UXS1: variants seen among roughly 807,000 people sequenced by gnomAD.
UXS1 encodes the protein UDP-glucuronic acid decarboxylase 1.
In UXS1, 33 loss-of-function variants were observed where a neutral mutation model predicts 62.6. The observed-to-expected ratio is 0.53, with a 90% CI of 0.40 to 0.70. The LOEUF is 0.70. Among genes scored for constraint, UXS1 ranks in the 30% least tolerant of loss-of-function variants. The probability of loss-of-function intolerance (pLI) is 0.00; values close to 1 mark genes in which losing one functional copy is unlikely to be tolerated. For missense variants in UXS1, 434 were observed against 556.3 expected (o/e 0.78, Z 2.21); for synonymous variants, 213 against 206.8 (o/e 1.03, Z -0.26).
At chr2:106,140,789 T>C (rs1260874090) in intron 6 of UXS1, among the ~76,000 whole-genome samples, 3 of 152,222 alleles carry the variant, frequency 2.0e-5, no homozygotes, top group African/African-American at 7.2e-5. Flanking sequence ...TTTATTTTCC[T>C]GGACCTCTTC....
At chr2:106,129,121 T>G (rs143391871) in intron 7 of UXS1, among the ~76,000 whole-genome samples, 1 of 152,196 alleles carries the variant, frequency 6.6e-6, no homozygotes, top group Non-Finnish European at 1.5e-5. Context: ...CCATTAACAA[T>G]GCTCTCTCGT....
At chr2:106,108,696 T>C (rs1678307109) in intron 10 of UXS1, among the ~76,000 whole-genome samples, 1 of 152,078 alleles carries the variant, frequency 6.6e-6, no homozygotes, top group African/African-American at 2.4e-5. Flanking sequence ...CAAAGCAGCA[T>C]GATGATCAAG....
chr2:106,173,228 T>C (rs1441117178), intron 1 of UXS1, among the ~76,000 whole-genome samples: 1 of 151,994 alleles, frequency 6.6e-6, no homozygotes, highest in African/African-American at 2.4e-5. Flanking sequence ...ACTAAAAAGC[T>C]CCCCCAAATG....
intron 1 of UXS1, among the ~76,000 whole-genome samples, chr2:106,169,009 A>G (rs1372100246): frequency 6.6e-6 from 1 of 152,186 alleles, no homozygotes; most frequent in African/African-American, 2.4e-5. Context: ...CTTTTAAAAA[A>G]GGAGGGAAGA....
intron 9 of UXS1, among the ~76,000 whole-genome samples, chr2:106,122,062 T>C (rs962031766): frequency 2.0e-5 from 3 of 152,172 alleles, no homozygotes; most frequent in East Asian, 1.9e-4. Flanking sequence ...ACAGAGCACA[T>C]AGCCGACAGT....
chr2:106,109,987 A>G (rs1044523002), intron 10 of UXS1, among the ~76,000 whole-genome samples: 1 of 152,230 alleles, frequency 6.6e-6, no homozygotes, highest in Non-Finnish European at 1.5e-5. Flanking sequence ...GTGTTTCTAA[A>G]GACAGGCTGG....
intron 7 of UXS1, 115 bp downstream of exon 7, chr2:106,129,557 TAA>T (rs1211574555): frequency 4.6e-6 from 4 of 867,066 alleles, no homozygotes; most frequent in South Asian, 4.4e-5. Flanking sequence ...AGCAGGGCAA[TAA>T]GGGACGAGGG....
Position 106,123,042 on chromosome 2 carries a change from T to C in UXS1, c.687A>G (p.Pro229=). Residue 229 remains proline (P), a synonymous_variant, in exon 9 of 15, where the codon CCA becomes CCG. Coordinates refer to ENST00000283148, the MANE Select transcript of UXS1 (RefSeq NM_001253875.2). ...CATCGTAGCAGGCCCGAGGTCCTAT[T>C]GGATTCACGTGGCCCCAGTAATCCT... ...QSEDYWGHVN[P]IGPRACYDEG... is the part of the protein sequence containing the mutation. 6.2e-7 allele frequency: 1 copy of C among 1,614,026 alleles called. No homozygotes were observed. The highest frequency in any genetic ancestry group is 8.5e-7 in the Non-Finnish European group (1 of 1,179,880).
At chr2:106,102,838 T>A (rs1298417568) in intron 11 of UXS1, 1 of 152,224 alleles carries the variant, frequency 6.6e-6, no homozygotes, top group Non-Finnish European at 1.5e-5. Flanking sequence ...AAAGTTTAAG[T>A]CAGGAAACCC....
chr2:106,162,212 T>C (rs6751929), intron 4 of UXS1, among the ~76,000 whole-genome samples: 149,290 of 152,288 alleles, frequency 0.98, 73,234 homozygotes, highest in South Asian at 1. Context: ...TGTTTGCCCT[T>C]TGCCACTATT....
At chr2:106,161,648 T>G (rs900724026) in intron 4 of UXS1, among the ~76,000 whole-genome samples, 5 of 152,318 alleles carry the variant, frequency 3.3e-5, no homozygotes, top group African/African-American at 1.2e-4. Flanking sequence ...TTTATGCCAT[T>G]CCAGATTAAA....
At chr2:106,166,704 T>TG (rs1683238019) in intron 1 of UXS1, among the ~76,000 whole-genome samples, 1 of 150,850 alleles carries the variant, frequency 6.6e-6, no homozygotes, top group African/African-American at 2.4e-5. Context: ...TGAAGCTTTT[T>TG]TTTTTTTTTT....
chr2:106,178,520 CTATG>C (rs3074302), intron 1 of UXS1, among the ~76,000 whole-genome samples: 148,917 of 152,154 alleles, frequency 0.98, 72,936 homozygotes, highest in South Asian at 1. Flanking sequence ...ATATACAAGT[CTATG>C]TATATGTATG....
intron 5 of UXS1, among the ~76,000 whole-genome samples, chr2:106,149,783 G>A (rs1368492832): frequency 6.6e-6 from 1 of 152,216 alleles, no homozygotes; most frequent in Non-Finnish European, 1.5e-5. Context: ...GTAGAGGCTG[G>A]AAGAATCTGG....
At chr2:106,157,458 T>C (rs1216097408) in intron 5 of UXS1, among the ~76,000 whole-genome samples, 1 of 152,190 alleles carries the variant, frequency 6.6e-6, no homozygotes, top group African/African-American at 2.4e-5. Context: ...CTCTCAAATT[T>C]CATACTTCCT....
intron 1 of UXS1, among the ~76,000 whole-genome samples, chr2:106,177,492 G>A (rs777475800): frequency 4.6e-5 from 7 of 152,162 alleles, no homozygotes; most frequent in Non-Finnish European, 8.8e-5. Context: ...CACCAAGCCC[G>A]GCCTAGCTAC....
rs757159860 is a variant in UXS1, at chr2:106,096,693, G to C, written c.1146+25C>G. The C allele has an allele frequency of 3.3e-6, 5 of 1,534,674 alleles. No individual in the cohort carries two copies. In the African/African-American group the frequency reaches 4.1e-5, roughly 13 times the overall value. ...GGACACGGGAGGCCCCTCCCCACAA[G>C]GCAGCATTAACTCCCTGCACTTACC... On this transcript the variant is annotated intron_variant, in intron 14 of 14. Coordinates refer to ENST00000283148, the MANE Select transcript of UXS1 (RefSeq NM_001253875.2).
Position 106,164,765 on chromosome 2 carries a change from C to A in UXS1, c.157G>T (p.Glu53Ter). 1 of 1,590,640 alleles carries A rather than the reference C, an allele frequency of 6.3e-7. No individual in the cohort carries two copies. Among genetic ancestry groups the A allele is most frequent in the Non-Finnish European group, 8.6e-7 (1 of 1,167,924 alleles). ...LLNRSIQENG[E>*]LKIESKIEEM... Reference sequence around the variant, plus strand: ...TCAATCTTGCTTTCAATTTTTAGTTCACCATTTTCCTGGATAGACCTGTTG... The same window carrying A: ...TCAATCTTGCTTTCAATTTTTAGTTAACCATTTTCCTGGATAGACCTGTTG... The change falls in exon 3 of 15, where the codon GAA (glutamate) becomes TAA (stop). Residue 53 changes from glutamate to a stop codon, truncating the protein, a stop_gained. Coordinates refer to ENST00000283148, the MANE Select transcript of UXS1 (RefSeq NM_001253875.2). LOFTEE classifies it high-confidence loss of function.
chr2:106,162,843 A>C (rs2105055701), intron 4 of UXS1, among the ~76,000 whole-genome samples: 1 of 152,204 alleles, frequency 6.6e-6, no homozygotes, highest in East Asian at 1.9e-4. Flanking sequence ...CCCTTCGATC[A>C]TTTAATGAAA....
Sources: allele counts gnomAD v4.1 joint callset (sites outside exome capture counted in the v4.1 genomes callset), GRCh38; gene constraint gnomAD v4.1.1; transcripts MANE v1.5; gene names NCBI Gene and HGNC (gene_info 2026-07-23, HGNC 2026-07-21).